The following CADM2 variants were observed in gnomAD, a reference collection of about 807,000 sequenced individuals.
CADM2 encodes cell adhesion molecule 2, also known as immunoglobulin superfamily member 4D.
Under a neutral mutation model 49.8 loss-of-function variants are expected in CADM2, and 12 were observed. The ratio of observed to expected loss-of-function variants is 0.24; its 90% CI spans 0.15 to 0.39. The LOEUF is 0.39. Among genes scored for constraint, CADM2 ranks in the 10% least tolerant of loss-of-function variants. The pLI is 1.00. For synonymous variants in CADM2, 214 were observed against 175.4 expected (o/e 1.22, Z -1.74); for missense variants, 378 against 492.3 (o/e 0.77, Z 2.20).
At chr3:85,760,679 T>C (rs1022137852) in intron 2 of CADM2, among the ~76,000 whole-genome samples, 1 of 152,190 alleles carries the variant, frequency 6.6e-6, no homozygotes, top group Non-Finnish European at 1.5e-5. Flanking sequence ...TGATAAGTTT[T>C]ATGGTTCATA....
intron 3 of CADM2, among the ~76,000 whole-genome samples, chr3:85,852,503 A>G (rs2075147503): frequency 6.6e-6 from 1 of 152,128 alleles, no homozygotes; most frequent in African/African-American, 2.4e-5. Flanking sequence ...TGAGTTGAAT[A>G]GTTCCACAAT....
chr3:85,961,379 A>T, intron 7 of CADM2, 90 bp from the exon 8 acceptor site: 1 of 1,105,752 alleles, frequency 9.0e-7, no homozygotes, highest in South Asian at 1.8e-5. Context: ...TACAAAATAC[A>T]TGTTAAATAT....
chr3:85,366,472 G>T (rs1189084106), intron 1 of CADM2, among the ~76,000 whole-genome samples: 1 of 152,128 alleles, frequency 6.6e-6, no homozygotes, highest in East Asian at 1.9e-4. Context: ...TGACAATGCA[G>T]TCAGAATGTT....
At chr3:85,126,027 C>T (rs1327086082) in intron 1 of CADM2, among the ~76,000 whole-genome samples, 1 of 152,100 alleles carries the variant, frequency 6.6e-6, no homozygotes, top group Non-Finnish European at 1.5e-5. Context: ...TTATACCAGA[C>T]TATGATATCA....
chr3:85,346,763 C>A (rs1009877361), intron 1 of CADM2, among the ~76,000 whole-genome samples: 2 of 151,906 alleles, frequency 1.3e-5, no homozygotes, highest in South Asian at 4.2e-4. Flanking sequence ...TTGTCAATAC[C>A]AGATGTGGGG....
intron 2 of CADM2, among the ~76,000 whole-genome samples, chr3:85,778,807 C>A (rs1052201879): frequency 2.0e-5 from 3 of 152,158 alleles, no homozygotes; most frequent in Admixed American, 6.6e-5. Context: ...CTCCCTTTCT[C>A]CTAACACTGC....
intron 7 of CADM2, among the ~76,000 whole-genome samples, chr3:85,952,471 G>A (rs1033053504): frequency 1.3e-5 from 2 of 150,900 alleles, no homozygotes; most frequent in African/African-American, 4.8e-5. Flanking sequence ...ATTAATTGCT[G>A]GATCAAGATG....
intron 1 of CADM2, among the ~76,000 whole-genome samples, chr3:85,716,174 C>T (rs1174242167): frequency 6.6e-6 from 1 of 152,140 alleles, no homozygotes; most frequent in Non-Finnish European, 1.5e-5. Context: ...TCTGTTGTTT[C>T]CTGACTTTTT....
chr3:85,088,403 T>C (rs969785637), intron 1 of CADM2, among the ~76,000 whole-genome samples: 2 of 152,152 alleles, frequency 1.3e-5, no homozygotes, highest in African/African-American at 4.8e-5. Context: ...AAACATAGTA[T>C]TTGTAATAAG....
intron 8 of CADM2, among the ~76,000 whole-genome samples, chr3:86,001,705 T>C (rs1730214958): frequency 6.6e-6 from 1 of 152,088 alleles, no homozygotes; most frequent in Non-Finnish European, 1.5e-5. Context: ...GAATTAAAAA[T>C]TCTGCAGTAG....
chr3:85,789,060 T>C (rs932517803), intron 2 of CADM2, among the ~76,000 whole-genome samples: 1 of 152,134 alleles, frequency 6.6e-6, no homozygotes, highest in African/African-American at 2.4e-5. Context: ...TTGAAGTTTT[T>C]CCCAGGGACT....
chr3:85,703,506 CTA>C (rs2066847345), intron 1 of CADM2, among the ~76,000 whole-genome samples: 1 of 152,052 alleles, frequency 6.6e-6, no homozygotes, highest in South Asian at 2.1e-4. Context: ...TTTCTGTTTT[CTA>C]ATGGAGTGAA....
chr3:84,973,667 A>G (rs1459114624), intron 1 of CADM2, among the ~76,000 whole-genome samples: 3 of 152,268 alleles, frequency 2.0e-5, no homozygotes, highest in Admixed American at 2.0e-4. Flanking sequence ...TTTTAGACCT[A>G]GAGTTCTGCT....
intron 1 of CADM2, among the ~76,000 whole-genome samples, chr3:85,248,206 G>T (rs1330493389): frequency 6.6e-6 from 1 of 152,004 alleles, no homozygotes; most frequent in Non-Finnish European, 1.5e-5. Flanking sequence ...CATGCAGCAC[G>T]ATTGCTTTTT....
At chr3:85,912,706 AAC>A (rs1404898509) in intron 6 of CADM2, among the ~76,000 whole-genome samples, 163 bp downstream of exon 6, 2 of 152,208 alleles carry the variant, frequency 1.3e-5, no homozygotes, top group African/African-American at 4.8e-5. Context: ...TTCAAAGGAA[AAC>A]ACTCCTTGTC....
At chr3:85,198,894 G>A (rs72911112) in intron 1 of CADM2, among the ~76,000 whole-genome samples, 27,384 of 151,692 alleles carry the variant, frequency 0.18, 4,781 homozygotes, top group African/African-American at 0.46. Context: ...TCCCTTAAAT[G>A]TATTCAGTCT....
intron 1 of CADM2, among the ~76,000 whole-genome samples, chr3:84,960,852 A>T (rs2030441038): frequency 6.6e-6 from 1 of 152,126 alleles, no homozygotes; most frequent in South Asian, 2.1e-4. Context: ...TGGGTGGTGG[A>T]GGAGGCAGGG....
intron 1 of CADM2, among the ~76,000 whole-genome samples, chr3:85,031,341 G>A (rs1161069274): frequency 6.6e-6 from 1 of 152,184 alleles, no homozygotes; most frequent in Non-Finnish European, 1.5e-5. Context: ...GGTGAATGTG[G>A]AGATGAACAA....
chr3:85,736,069 T>C (rs532427109), intron 2 of CADM2, among the ~76,000 whole-genome samples: 123 of 152,126 alleles, frequency 8.1e-4, no homozygotes, highest in African/African-American at 2.8e-3. Context: ...TGGTCTCACA[T>C]ACTCCAGCCT....
Sources: allele counts gnomAD v4.1 joint callset (sites outside exome capture counted in the v4.1 genomes callset), GRCh38; gene constraint gnomAD v4.1.1; transcripts MANE v1.5; gene names NCBI Gene and HGNC (gene_info 2026-07-23, HGNC 2026-07-21).